RGS17: variants seen among roughly 807,000 people sequenced by gnomAD.
RGS17 encodes regulator of G protein signaling 17.
A neutral mutation model predicts 25.5 loss-of-function variants in RGS17; 12 were observed. The ratio of observed to expected loss-of-function variants is 0.47; its 90% confidence interval spans 0.30 to 0.76. The LOEUF is 0.76. Ranked by LOEUF, RGS17 falls within the 30% of genes least tolerant of loss-of-function variation. The probability of loss-of-function intolerance (pLI) is 0.07; values close to 1 mark genes in which losing one functional copy is unlikely to be tolerated. For missense variants in RGS17, 196 were observed against 242.2 expected (o/e 0.81, Z 1.27); for synonymous variants, 71 against 76.9 (o/e 0.92, Z 0.40).
At chr6:153,117,993 C>G (rs1018137411) in intron 1 of RGS17, among the ~76,000 whole-genome samples, 2 of 152,190 alleles carry the variant, frequency 1.3e-5, no homozygotes, top group Non-Finnish European at 2.9e-5. Flanking sequence ...ATTAGGAAGA[C>G]AGTTCTTAGA....
intron 1 of RGS17, among the ~76,000 whole-genome samples, chr6:153,091,193 T>C (rs1211528353): frequency 6.6e-6 from 1 of 152,190 alleles, no homozygotes; most frequent in Non-Finnish European, 1.5e-5. Context: ...TTCCCACTCA[T>C]TAATCTTACT....
chr6:153,062,590 T>C (rs2129115227), intron 1 of RGS17, among the ~76,000 whole-genome samples: 1 of 152,134 alleles, frequency 6.6e-6, no homozygotes, highest in East Asian at 1.9e-4. Flanking sequence ...GGAGTCCTAG[T>C]GCTGAATTGG....
At chr6:153,018,489 A>T (rs1779208000) in intron 4 of RGS17, among the ~76,000 whole-genome samples, 1 of 152,214 alleles carries the variant, frequency 6.6e-6, no homozygotes, top group Admixed American at 6.5e-5. Context: ...TATAGGCAAG[A>T]TCACTGTGCC....
Position 153,042,525 on chromosome 6 carries a change from C to T in RGS17, c.119+1375G>A, listed in dbSNP as rs1461293001. 2.0e-5 allele frequency among the ~76,000 whole-genome samples: 3 copies of T among 152,190 alleles called. No homozygotes were observed. In the East Asian group the frequency reaches 5.8e-4, roughly 29 times the overall value. ...TTTACCTTCTGCCATGATTGTGAGGCCTCCCCAGCCCTGTGGAACTGTGAG... is the reference window on the plus strand; with the variant it reads ...TTTACCTTCTGCCATGATTGTGAGGTCTCCCCAGCCCTGTGGAACTGTGAG... On this transcript the variant is annotated intron_variant, in intron 2 of 4. Coordinates refer to ENST00000206262, the MANE Select transcript of RGS17 (RefSeq NM_012419.5).
At chr6:153,113,922 G>T (rs978016707) in intron 1 of RGS17, among the ~76,000 whole-genome samples, 7 of 152,038 alleles carry the variant, frequency 4.6e-5, no homozygotes, top group Admixed American at 3.3e-4. Context: ...TGAGACACAG[G>T]TAAAGCAGTG....
intron 1 of RGS17, among the ~76,000 whole-genome samples, chr6:153,125,419 G>C (rs894482246): frequency 6.6e-6 from 1 of 152,164 alleles, no homozygotes; most frequent in African/African-American, 2.4e-5. Context: ...CTAATAAATA[G>C]TAGAGTAAAA....
intron 1 of RGS17, among the ~76,000 whole-genome samples, chr6:153,069,739 C>CGT (rs60117149): frequency 0.27 from 38,631 of 140,596 alleles, 5,183 homozygotes; most frequent in Middle Eastern, 0.39. Flanking sequence ...ATATACACCT[C>CGT]GTGTGTGTGT....
intron 1 of RGS17, among the ~76,000 whole-genome samples, chr6:153,108,214 A>G (rs1445320040): frequency 6.6e-6 from 1 of 152,234 alleles, no homozygotes; most frequent in African/African-American, 2.4e-5. Flanking sequence ...CCAAAAGTTT[A>G]GACAAAATAA....
intron 1 of RGS17, among the ~76,000 whole-genome samples, chr6:153,108,370 AT>A (rs377057824): frequency 5.3e-5 from 8 of 152,298 alleles, no homozygotes; most frequent in African/African-American, 1.7e-4. Flanking sequence ...ATTCTCAGAA[AT>A]GTACCTCAGA....
At chr6:153,085,353 C>A (rs899331227) in intron 1 of RGS17, among the ~76,000 whole-genome samples, 2 of 152,148 alleles carry the variant, frequency 1.3e-5, no homozygotes, top group East Asian at 3.9e-4. Context: ...GACCAAGATA[C>A]AAAGCACTTA....
chr6:153,017,612 C>G (rs1779197867), intron 4 of RGS17, among the ~76,000 whole-genome samples: 1 of 152,082 alleles, frequency 6.6e-6, no homozygotes, highest in Non-Finnish European at 1.5e-5. Context: ...AAATTTGATC[C>G]TATGGACATT....
intron 2 of RGS17, among the ~76,000 whole-genome samples, chr6:153,042,546 G>A (rs534909207): frequency 2.0e-5 from 3 of 152,324 alleles, no homozygotes; most frequent in African/African-American, 7.2e-5. Flanking sequence ...CTGTGGAACT[G>A]TGAGTCCATT....
At chr6:153,116,241 C>A (rs9479514) in intron 1 of RGS17, among the ~76,000 whole-genome samples, 31,224 of 152,050 alleles carry the variant, frequency 0.21, 3,832 homozygotes, top group Non-Finnish European at 0.28. Flanking sequence ...AAGCAAACAA[C>A]CCCATCAAAA....
At chr6:153,124,258 G>A (rs1367153533) in intron 1 of RGS17, among the ~76,000 whole-genome samples, 1 of 152,122 alleles carries the variant, frequency 6.6e-6, no homozygotes, top group African/African-American at 2.4e-5. Context: ...GTGGAAAGGG[G>A]CCACGTTTAA....
rs147862820 is a variant in RGS17, at chr6:153,108,096, C to G, written c.-26+23028G>C. Among the ~76,000 whole-genome samples, 301 of 152,282 alleles carry G rather than the reference C, an allele frequency of 2.0e-3. 1 individual carries two copies. Among genetic ancestry groups the G allele is most frequent in the African/African-American group, 6.9e-3 (287 of 41,576 alleles). Reference sequence around the variant, plus strand: ...CCAAAATATCCATCCTCTCCCGTCCCCCAAAAAGTGCCACCTCCTTTTTTG... The same window carrying G: ...CCAAAATATCCATCCTCTCCCGTCCGCCAAAAAGTGCCACCTCCTTTTTTG... On this transcript the variant is annotated intron_variant, in intron 1 of 4. Transcript: ENST00000206262.
intron 2 of RGS17, among the ~76,000 whole-genome samples, chr6:153,034,438 C>T (rs1349786851): frequency 6.6e-6 from 1 of 152,166 alleles, no homozygotes; most frequent in African/African-American, 2.4e-5. Flanking sequence ...CAGAACCTTG[C>T]CAAGCCTGCA....
At chr6:153,028,348 C>T (rs980287784) in intron 2 of RGS17, among the ~76,000 whole-genome samples, 32 of 152,026 alleles carry the variant, frequency 2.1e-4, no homozygotes, top group African/African-American at 7.5e-4. Flanking sequence ...GGCAGCAGTC[C>T]CAGGGTTAGA....
chr6:153,009,490 C>T lies in RGS17; in HGVS notation c.*2084G>A, dbSNP rs1463741201. 1 of 151,820 alleles carries T rather than the reference C, an allele frequency of 6.6e-6. No homozygotes were observed. Among genetic ancestry groups the T allele is most frequent in the African/African-American group, 2.4e-5 (1 of 41,414 alleles). 9.4% of individuals were successfully genotyped at this position (151,820 alleles called of 1,614,324 possible). A position where few individuals can be genotyped will look rare whatever the true frequency, so the allele number is the denominator to read the frequency against. On this transcript the variant is annotated 3_prime_UTR_variant, in exon 5 of 5. Transcript: ENST00000206262. ...TGATTCTTTTAGGTTTTTCTTTACT[C>T]TTTAGGAAAAAATATGACTTTTTGT...
chr6:153,067,405 G>A (rs1776726156), intron 1 of RGS17, among the ~76,000 whole-genome samples: 1 of 151,816 alleles, frequency 6.6e-6, no homozygotes, highest in Admixed American at 6.6e-5. Context: ...TCTTATATTT[G>A]GAAAAACCTA....
Sources: gnomAD v4.1 joint callset for allele counts (sites outside exome capture counted in the v4.1 genomes callset) on GRCh38, gnomAD v4.1.1 for gene constraint, MANE v1.5 for transcripts, NCBI Gene and HGNC (gene_info 2026-07-23, HGNC 2026-07-21) for gene names.